Variants in RO60 observed in about 807,000 individuals in gnomAD.
The protein encoded by RO60 is Ro60, Y RNA binding protein, also known as RNA-binding protein RO60.
Under a neutral mutation model 55.3 loss-of-function variants are expected in RO60, and 20 were observed. That is an observed-to-expected ratio of 0.36 (90% confidence interval 0.25 to 0.53). The LOEUF is 0.53. RO60 is among the 20% of genes least tolerant of loss of function. The pLI is 0.92. For synonymous variants in RO60, 213 were observed against 213.6 expected, an observed-to-expected ratio of 1.00 and a Z score of 0.02; for missense variants, 558 against 646.6, an observed-to-expected ratio of 0.86 and a Z score of 1.49.
intron 1 of RO60, among the ~76,000 whole-genome samples, chr1:193,063,060 G>A (rs186264713): frequency 9.2e-5 from 14 of 152,190 alleles, no homozygotes; most frequent in African/African-American, 7.2e-5. Context: ...AGAATTCCTC[G>A]GTCATATGCT....
At chr1:193,075,000 A>T (rs917199236) in intron 2 of RO60, among the ~76,000 whole-genome samples, 21 of 152,174 alleles carry the variant, frequency 1.4e-4, no homozygotes, top group African/African-American at 4.8e-4. Context: ...ACCTCAGGTG[A>T]TCCACACTCC....
chr1:193,065,317 C>G (rs973405209), intron 1 of RO60, among the ~76,000 whole-genome samples: 1 of 152,066 alleles, frequency 6.6e-6, no homozygotes, highest in African/African-American at 2.4e-5. Context: ...ATGAATAATA[C>G]AAGGAAAAGA....
downstream of RO60, chr1:193,091,718 T>A: frequency 1.3e-6 from 2 of 1,589,684 alleles, no homozygotes; most frequent in Non-Finnish European, 1.7e-6. Context: ...GTGTGAACTG[T>A]TTTTGGTCAG....
At chr1:193,068,956 A>C in intron 1 of RO60, 78 bp from the exon 2 acceptor site, 1 of 917,308 alleles carries the variant, frequency 1.1e-6, no homozygotes, top group Middle Eastern at 2.2e-4. Flanking sequence ...ATAACATTTC[A>C]GTAAACCTAC....
intron 1 of RO60, among the ~76,000 whole-genome samples, chr1:193,062,336 T>A (rs1672836127): frequency 6.6e-6 from 1 of 152,202 alleles, no homozygotes; most frequent in East Asian, 1.9e-4. Flanking sequence ...TGTGGGTATC[T>A]CAAATTGCTT....
At position 193,085,488 on chromosome 1, in the gene RO60, G is replaced by T. The variant is rs1674586676; in HGVS notation, c.*757G>T. 3.0e-6 allele frequency: 3 copies of T among 984,086 alleles called. No homozygotes were observed. The highest frequency in any genetic ancestry group is 3.5e-5 in the African/African-American group (2 of 56,900). The allele number at this position is 984,086 out of a possible 1,614,324, so 61.0% of individuals were successfully genotyped here. On this transcript the variant is annotated 3_prime_UTR_variant, in exon 9 of 9. Transcript: ENST00000400968. ...GTTATATTTTATTGCTACAAGGGGT[G>T]TGACTTGATAATGATTTCCTCTGAA... is the stretch of plus-strand genomic sequence containing the variant.
chr1:193,059,821 C>A lies in RO60; in HGVS notation c.-22+45C>A. ...CCGGCTGGGAGCCTTTTGTGCGGCC[C>A]CAGGGACGCGCAAATTCTGACCAGT... On this transcript the variant is annotated intron_variant, in intron 1 of 8. Transcript: ENST00000400968. The surrounding 1 kb of genome is among the most constrained non-coding windows in gnomAD (Gnocchi z 4.9). 1 of 1,357,676 alleles carries A rather than the reference C, an allele frequency of 7.4e-7. No individual in the cohort carries two copies. The highest frequency in any genetic ancestry group is 9.8e-7 in the Non-Finnish European group (1 of 1,017,822). 84.1% of individuals were successfully genotyped at this position (1,357,676 alleles called of 1,614,324 possible).
Position 193,059,624 on chromosome 1 carries a change from G to T in RO60, c.-174G>T. On this transcript the variant is annotated 5_prime_UTR_variant, in exon 1 of 9. Coordinates refer to ENST00000400968, the MANE Select transcript of RO60 (RefSeq NM_001173524.2). The surrounding 1 kb of genome is among the most constrained non-coding windows in gnomAD (Gnocchi z 4.9). ...GAAGAGGGGCAGGACTCGTTCCCGG[G>T]AACCGAACCTGGAATCCCCGGCGGC... 1.4e-6 allele frequency: 2 copies of T among 1,411,302 alleles called. No homozygotes were observed. Among genetic ancestry groups the T allele is most frequent in the Non-Finnish European group, 1.9e-6 (2 of 1,052,646 alleles). 87.4% of individuals were successfully genotyped at this position (1,411,302 alleles called of 1,614,324 possible).
chr1:193,071,193 A>G (rs1673468675), intron 2 of RO60, among the ~76,000 whole-genome samples: 1 of 152,202 alleles, frequency 6.6e-6, no homozygotes, highest in South Asian at 2.1e-4. Flanking sequence ...TCTGACAGGA[A>G]GTGGAGCTCA....
Position 193,069,020 on chromosome 1 carries a change from T to G in RO60, c.-21-14T>G. ...TGCCCATCTAGTTGTAATAACATTT[T>G]GCCTTTTTGTTAGGTTTCCTAAAGA... is the stretch of plus-strand genomic sequence containing the variant. On this transcript the variant is annotated splice_polypyrimidine_tract_variant and intron_variant, in intron 1 of 8. Transcript: ENST00000400968. 1.3e-6 allele frequency: 2 copies of G among 1,554,592 alleles called. No individual in the cohort carries two copies. The highest frequency in any genetic ancestry group is 1.8e-6 in the Non-Finnish European group (2 of 1,142,064).
intron 1 of RO60, among the ~76,000 whole-genome samples, chr1:193,062,718 A>G (rs569406461): frequency 2.0e-5 from 3 of 152,268 alleles, no homozygotes; most frequent in South Asian, 2.1e-4. Flanking sequence ...CCTTAGACTA[A>G]TGTACTTTTT....
At chr1:193,082,748 T>A in intron 8 of RO60, 40 bp downstream of exon 8, 1 of 1,530,932 alleles carries the variant, frequency 6.5e-7, no homozygotes, top group Non-Finnish European at 8.8e-7. Flanking sequence ...CCAAATAATA[T>A]TATTTTAATA....
chr1:193,082,453 C>A, intron 7 of RO60, 109 bp from the exon 8 acceptor site: 2 of 1,389,912 alleles, frequency 1.4e-6, no homozygotes, highest in Non-Finnish European at 2.0e-6. Flanking sequence ...AATATATATG[C>A]AGGCTTTGGG....
intron 2 of RO60, among the ~76,000 whole-genome samples, chr1:193,074,388 T>C (rs1673747973): frequency 6.6e-6 from 1 of 152,216 alleles, no homozygotes; most frequent in African/African-American, 2.4e-5. Context: ...CCACATCCTC[T>C]CCAGCACCTG....
chr1:193,076,097 C>A (rs1464967992), intron 3 of RO60, 57 bp downstream of exon 3: 4 of 1,183,358 alleles, frequency 3.4e-6, no homozygotes, highest in Non-Finnish European at 4.7e-6. Flanking sequence ...AGTGTAGGTG[C>A]TAAAAGGATA....
At chr1:193,066,899 A>C (rs1012730966) in intron 1 of RO60, among the ~76,000 whole-genome samples, 2 of 152,104 alleles carry the variant, frequency 1.3e-5, no homozygotes, top group Non-Finnish European at 2.9e-5. Flanking sequence ...CCTAAACTTT[A>C]TCAGTTTTTT....
chr1:193,082,708 GGT>G lies in RO60; in HGVS notation c.1464+1_1464+2del. On this transcript the variant is annotated splice_donor_variant, in intron 8 of 8. Transcript: ENST00000400968. LOFTEE classifies it high-confidence loss of function. The stretch of plus-strand genomic sequence containing the variant: ...CTATTGCTCTGAGGGAGTATCGAAA[GGT>G]AAAACAAATTCTAATACGGTTCCTC... 1 of 1,604,740 alleles carries G rather than the reference GGT, an allele frequency of 6.2e-7. No individual in the cohort carries two copies. Among genetic ancestry groups the G allele is most frequent in the Non-Finnish European group, 8.5e-7 (1 of 1,176,444 alleles).
chr1:193,071,580 A>C (rs1460764806), intron 2 of RO60, among the ~76,000 whole-genome samples: 2 of 151,988 alleles, frequency 1.3e-5, no homozygotes, highest in African/African-American at 4.8e-5. Context: ...CATAATGGTT[A>C]AATCCACAAA....
chr1:193,074,344 G>T (rs1673743776), intron 2 of RO60, among the ~76,000 whole-genome samples: 1 of 151,670 alleles, frequency 6.6e-6, no homozygotes, highest in Non-Finnish European at 1.5e-5. Context: ...CTAGTTTACA[G>T]TCCCACCAAC....
Sources: allele counts gnomAD v4.1 joint callset (sites outside exome capture counted in the v4.1 genomes callset), GRCh38; gene constraint gnomAD v4.1.1; non-coding constraint Gnocchi (gnomAD v3.1); transcripts MANE v1.5; gene names NCBI Gene and HGNC (gene_info 2026-07-23, HGNC 2026-07-21).